The following ST6GALNAC5 variants were observed in gnomAD, a reference collection of about 807,000 sequenced individuals.
The protein encoded by ST6GALNAC5 is alpha-N-acetylgalactosaminide alpha-2,6-sialyltransferase 5.
A neutral mutation model predicts 33.6 loss-of-function variants in ST6GALNAC5; 27 were observed. The ratio of observed to expected loss-of-function variants is 0.80; its 90% confidence interval spans 0.59 to 1.11. ST6GALNAC5 has a LOEUF of 1.11. Among genes scored for constraint, ST6GALNAC5 ranks in the 50% least tolerant of loss-of-function variants. The pLI is 0.00. For synonymous variants in ST6GALNAC5, 194 were observed against 171.2 expected (o/e 1.13, Z -1.04); for missense variants, 428 against 454.0 (o/e 0.94, Z 0.52).
intron 2 of ST6GALNAC5, among the ~76,000 whole-genome samples, chr1:76,879,460 G>T (rs1490289015): frequency 6.6e-6 from 1 of 152,156 alleles, no homozygotes; most frequent in African/African-American, 2.4e-5. Flanking sequence ...CCAGAATGCT[G>T]TTTATATAAA....
intron 2 of ST6GALNAC5, among the ~76,000 whole-genome samples, chr1:77,011,462 T>A (rs1472203577): frequency 6.6e-6 from 1 of 152,166 alleles, no homozygotes; most frequent in Non-Finnish European, 1.5e-5. Context: ...GTTATTTTTG[T>A]TTTTTAACAT....
intron 2 of ST6GALNAC5, among the ~76,000 whole-genome samples, chr1:76,949,423 G>A (rs1455280017): frequency 1.3e-5 from 2 of 152,238 alleles, no homozygotes; most frequent in Admixed American, 6.5e-5. Context: ...TAGAGCTGGC[G>A]TGAGGAGTGG....
intron 2 of ST6GALNAC5, among the ~76,000 whole-genome samples, chr1:76,954,480 C>T (rs969333040): frequency 1.3e-5 from 2 of 152,000 alleles, no homozygotes; most frequent in Admixed American, 1.3e-4. Context: ...CCATGGCACA[C>T]GTTTACCTGT....
chr1:76,906,291 G>A (rs1053683623), intron 2 of ST6GALNAC5, among the ~76,000 whole-genome samples: 2 of 152,128 alleles, frequency 1.3e-5, no homozygotes, highest in African/African-American at 4.8e-5. Flanking sequence ...CCAAGAGCTA[G>A]AATAAAGCCA....
At chr1:76,897,638 AG>A (rs57000515) in intron 2 of ST6GALNAC5, among the ~76,000 whole-genome samples, 11,323 of 152,148 alleles carry the variant, frequency 0.074, 960 homozygotes, top group African/African-American at 0.21. Flanking sequence ...ATACAAGAGG[AG>A]GACTCAAAGG....
intron 2 of ST6GALNAC5, among the ~76,000 whole-genome samples, chr1:76,977,790 G>C (rs1009691853): frequency 6.6e-6 from 1 of 152,128 alleles, no homozygotes; most frequent in African/African-American, 2.4e-5. Flanking sequence ...AAAAACAGGA[G>C]GGTAGCTATC....
Position 76,962,041 on chromosome 1 carries a change from A to C in ST6GALNAC5, c.262-82163A>C, listed in dbSNP as rs187673256. On this transcript the variant is annotated intron_variant, in intron 2 of 4. Coordinates refer to ENST00000477717, the MANE Select transcript of ST6GALNAC5 (RefSeq NM_030965.3). ...GCAACTGGTGAGGGCTAAATGTCCA[A>C]AGTGAAACAAACACTGAACAATCAT... is the stretch of plus-strand genomic sequence containing the variant. Among the ~76,000 whole-genome samples, 16 of 152,312 alleles carry C rather than the reference A, an allele frequency of 1.1e-4. No homozygotes were observed. In the East Asian group the frequency reaches 3.1e-3, roughly 29 times the overall value.
chr1:76,964,207 T>TA (rs1013090696), intron 2 of ST6GALNAC5, among the ~76,000 whole-genome samples: 25 of 151,520 alleles, frequency 1.6e-4, no homozygotes, highest in African/African-American at 3.6e-4. Context: ...ACAGCAGCTA[T>TA]AAAAAAAAAT....
rs1313803391 is a variant in ST6GALNAC5, at chr1:76,987,197, TC to T, written c.262-57006del. 7.3e-5 allele frequency among the ~76,000 whole-genome samples: 11 copies of T among 151,420 alleles called. No individual in the cohort carries two copies. The East Asian group carries it at 2.1e-3, about 29-fold the overall frequency. On this transcript the variant is annotated intron_variant, in intron 2 of 4. Coordinates refer to ENST00000477717, the MANE Select transcript of ST6GALNAC5 (RefSeq NM_030965.3). ...AAAGCAAATAAACAAATAAACAAAA[TC>T]AATAATAAGAAAATTTTTAAAAAGT...
chr1:76,964,280 G>A (rs566442784), intron 2 of ST6GALNAC5, among the ~76,000 whole-genome samples: 4 of 152,174 alleles, frequency 2.6e-5, no homozygotes, highest in Admixed American at 6.5e-5. Context: ...GTAATCTTAC[G>A]GATTTCCCTG....
At chr1:76,911,491 T>C (rs989300323) in intron 2 of ST6GALNAC5, among the ~76,000 whole-genome samples, 1 of 152,164 alleles carries the variant, frequency 6.6e-6, no homozygotes, top group Non-Finnish European at 1.5e-5. Flanking sequence ...TCTTTTTCTA[T>C]TGATTGGAAT....
At chr1:76,940,286 T>C (rs1246130587) in intron 2 of ST6GALNAC5, among the ~76,000 whole-genome samples, 1 of 152,066 alleles carries the variant, frequency 6.6e-6, no homozygotes, top group Non-Finnish European at 1.5e-5. Context: ...AAATAAGTGT[T>C]CAATAAATGT....
chr1:77,016,004 AG>A (rs1406757591), intron 2 of ST6GALNAC5, among the ~76,000 whole-genome samples: 1 of 151,604 alleles, frequency 6.6e-6, no homozygotes, highest in Non-Finnish European at 1.5e-5. Context: ...TTTCAGCTCT[AG>A]CCAAATTCAC....
chr1:77,001,797 T>G (rs1266188), intron 2 of ST6GALNAC5, among the ~76,000 whole-genome samples: 146,548 of 146,582 alleles, frequency 1, 73,257 homozygotes, highest in Middle Eastern at 1. Context: ...TACATTTATT[T>G]ATTTGCGTAT....
chr1:77,028,903 G>A (rs4469754), intron 2 of ST6GALNAC5, among the ~76,000 whole-genome samples: 2 of 152,184 alleles, frequency 1.3e-5, no homozygotes, highest in Non-Finnish European at 2.9e-5. Flanking sequence ...ATAGGACCTG[G>A]AATGTTGGGT....
At chr1:77,041,090 C>T (rs907675991) in intron 2 of ST6GALNAC5, among the ~76,000 whole-genome samples, 10 of 152,208 alleles carry the variant, frequency 6.6e-5, no homozygotes, top group South Asian at 2.1e-4. Flanking sequence ...TGGCCGAAGT[C>T]ATCAAATCCA....
intron 2 of ST6GALNAC5, among the ~76,000 whole-genome samples, chr1:76,941,288 C>T (rs1204061155): frequency 1.3e-5 from 2 of 152,104 alleles, no homozygotes; most frequent in Non-Finnish European, 2.9e-5. Context: ...GAGGGCAGCA[C>T]CTTCCAAAAT....
At chr1:76,914,892 G>A (rs1431865602) in intron 2 of ST6GALNAC5, among the ~76,000 whole-genome samples, 1 of 152,106 alleles carries the variant, frequency 6.6e-6, no homozygotes, top group Admixed American at 6.6e-5. Context: ...ACTACCATCA[G>A]AGTGAACAGG....
chr1:77,054,946 A>G (rs191067968), intron 4 of ST6GALNAC5, among the ~76,000 whole-genome samples: 5 of 152,320 alleles, frequency 3.3e-5, no homozygotes, highest in African/African-American at 9.6e-5. Flanking sequence ...GATGACAGAC[A>G]TATCTCATTC....
Sources: gnomAD v4.1 joint callset for allele counts (sites outside exome capture counted in the v4.1 genomes callset) on GRCh38, gnomAD v4.1.1 for gene constraint, MANE v1.5 for transcripts, NCBI Gene and HGNC (gene_info 2026-07-23, HGNC 2026-07-21) for gene names.